Variants in YWHAE observed in about 807,000 individuals in gnomAD.
YWHAE encodes the protein tyrosine 3-monooxygenase/tryptophan 5-monooxygenase activation protein epsilon.
YWHAE carries 4 observed loss-of-function variants against 30.1 expected under a neutral mutation model. The observed-to-expected ratio is 0.13, with a 90% CI of 0.07 to 0.30. YWHAE has a LOEUF of 0.30. Among genes scored for constraint, YWHAE ranks in the 10% least tolerant of loss-of-function variants. The pLI is 1.00. For synonymous variants in YWHAE, 118 were observed against 111.8 expected (o/e 1.06, Z -0.35); for missense variants, 121 against 315.9 (o/e 0.38, Z 4.68).
At chr17:1,392,086 G>A (rs1183506428) in intron 1 of YWHAE, among the ~76,000 whole-genome samples, 2 of 152,068 alleles carry the variant, frequency 1.3e-5, no homozygotes, top group Non-Finnish European at 2.9e-5. Flanking sequence ...TGTAGCCCCA[G>A]CTACTTGGCA....
chr17:1,387,490 C>G (rs770912069), intron 1 of YWHAE, among the ~76,000 whole-genome samples: 1 of 152,118 alleles, frequency 6.6e-6, no homozygotes, highest in African/African-American at 2.4e-5. Context: ...TTTTGGAATA[C>G]TAAGGAAGAA....
At chr17:1,400,024 C>T (rs1359989445) in intron 1 of YWHAE, 23 bp downstream of exon 1, 6 of 1,604,498 alleles carry the variant, frequency 3.7e-6, no homozygotes, top group Non-Finnish European at 3.4e-6. Context: ...GAATTCCAGC[C>T]CCCCGTTGCC....
chr17:1,351,651 A>T (rs1157665766), intron 5 of YWHAE, among the ~76,000 whole-genome samples: 1 of 152,150 alleles, frequency 6.6e-6, no homozygotes, highest in African/African-American at 2.4e-5. Context: ...TTCCCTGAAG[A>T]GATGGCATCT....
intron 1 of YWHAE, among the ~76,000 whole-genome samples, chr17:1,368,348 T>C (rs1598247559): frequency 6.7e-6 from 1 of 148,770 alleles, no homozygotes; most frequent in East Asian, 2.0e-4. Flanking sequence ...TGTACTCCAG[T>C]CTGGGCAACA....
rs187647554 is a variant in YWHAE at position 1,344,871 on chromosome 17, A to G, written c.*576T>C. On this transcript the variant is annotated 3_prime_UTR_variant, in exon 6 of 6. Transcript: ENST00000264335. ...AGCCACGGATTGTTGAACTGTTACC[A>G]GCACCATGCTTTTCAGCAACATTTC... The G allele has an allele frequency of 4.3e-6, 1 of 233,566 alleles. No individual in the cohort carries two copies. Among genetic ancestry groups the G allele is most frequent in the African/African-American group, 2.2e-5 (1 of 45,436 alleles). 14.5% of individuals were successfully genotyped at this position (233,566 alleles called of 1,614,324 possible).
rs62089573 is a variant in YWHAE, at chr17:1,391,968, A to C, written c.64+8079T>G. 2.6e-5 allele frequency among the ~76,000 whole-genome samples: 4 copies of C among 152,082 alleles called. No individual in the cohort carries two copies. The South Asian group carries it at 8.3e-4, about 32-fold the overall frequency. The stretch of plus-strand genomic sequence containing the variant: ...ATGGTGGCTCACGCCTGTAATCGCA[A>C]AACTTTGGGAGGCCGAGGCAGGTGA... On this transcript the variant is annotated intron_variant, in intron 1 of 5. Coordinates refer to ENST00000264335, the MANE Select transcript of YWHAE (RefSeq NM_006761.5).
intron 4 of YWHAE, among the ~76,000 whole-genome samples, chr17:1,355,114 TTTAAAAAAAAAAAAAAAAAA>T (rs1567957989): frequency 2.2e-3 from 4 of 1,794 alleles, no homozygotes; most frequent in African/African-American, 3.6e-3. Flanking sequence ...CCCAAGATTT[TTTAAAAAAAAAAAAAAAAAA>T]AAAAAAAAAA....
intron 1 of YWHAE, among the ~76,000 whole-genome samples, chr17:1,394,436 CAAAAAAAAAAAAA>C (rs544115909): frequency 3.4e-5 from 2 of 58,562 alleles, no homozygotes; most frequent in African/African-American, 8.8e-5. Context: ...CTCAAATCCA[CAAAAAAAAAAAAA>C]AAAAAAAAAA....
chr17:1,366,188 C>T (rs2072938900), intron 1 of YWHAE, among the ~76,000 whole-genome samples: 1 of 149,260 alleles, frequency 6.7e-6, no homozygotes. Flanking sequence ...TGCACTCCAG[C>T]CCAGCAACAG....
intron 4 of YWHAE, among the ~76,000 whole-genome samples, chr17:1,356,564 G>A (rs1230683907): frequency 2.0e-5 from 3 of 152,198 alleles, no homozygotes; most frequent in Non-Finnish European, 4.4e-5. Context: ...CAGCTAGACT[G>A]GAGTCTGACA....
chr17:1,370,127 T>C lies in YWHAE; in HGVS notation c.65-5069A>G, dbSNP rs1346499868. On this transcript the variant is annotated intron_variant, in intron 1 of 5. Transcript: ENST00000264335. Reference sequence around the variant, plus strand: ...ATTTACCCACAGAAAAACTTTTTTTTTTTTTTTTTTTTTTTTTTGAGACGG... The same window carrying C: ...ATTTACCCACAGAAAAACTTTTTTTCTTTTTTTTTTTTTTTTTTGAGACGG... 2.2e-5 allele frequency among the ~76,000 whole-genome samples: 3 copies of C among 138,670 alleles called. No individual in the cohort carries two copies. In the East Asian group the frequency reaches 6.4e-4, roughly 30 times the overall value. The allele number at this position is 138,670 out of a possible 152,430, so 91.0% of individuals were successfully genotyped here. A position where few individuals can be genotyped will look rare whatever the true frequency, so the allele number is the denominator to read the frequency against.
intron 1 of YWHAE, 101 bp downstream of exon 1, chr17:1,399,946 G>A (rs544030011): frequency 6.2e-6 from 9 of 1,458,248 alleles, no homozygotes; most frequent in Middle Eastern, 1.7e-4. Flanking sequence ...CCCCGGGCCA[G>A]GCTCGCAGAC....
chr17:1,376,836 T>C (rs1049678262), intron 1 of YWHAE, among the ~76,000 whole-genome samples: 20 of 152,060 alleles, frequency 1.3e-4, no homozygotes, highest in African/African-American at 4.6e-4. Context: ...AGCAAACTGT[T>C]CAGAATCTGC....
At chr17:1,389,662 C>T (rs1019488587) in intron 1 of YWHAE, among the ~76,000 whole-genome samples, 1 of 151,222 alleles carries the variant, frequency 6.6e-6, no homozygotes, top group Non-Finnish European at 1.5e-5. Context: ...TCCTGAGCAG[C>T]TGGGACTACA....
chr17:1,355,289 C>T (rs1555639345), intron 4 of YWHAE, among the ~76,000 whole-genome samples: 2 of 144,952 alleles, frequency 1.4e-5, no homozygotes, highest in South Asian at 2.3e-4. Flanking sequence ...CCCGAGTAGC[C>T]GGGACTACAG....
At chr17:1,353,364 G>A (rs1385761478) in intron 5 of YWHAE, among the ~76,000 whole-genome samples, 1 of 150,332 alleles carries the variant, frequency 6.7e-6, no homozygotes, top group African/African-American at 2.5e-5. Context: ...TGTAAACCCA[G>A]GAGACGGAGC....
At chr17:1,388,286 T>A (rs2073338171) in intron 1 of YWHAE, among the ~76,000 whole-genome samples, 2 of 149,966 alleles carry the variant, frequency 1.3e-5, no homozygotes, top group Admixed American at 6.6e-5. Context: ...GGAGGCTGAG[T>A]TGGGCGGATC....
chr17:1,361,028 A>C (rs1028714108), intron 4 of YWHAE, 64 bp downstream of exon 4: 3 of 1,490,938 alleles, frequency 2.0e-6, no homozygotes, highest in Non-Finnish European at 2.8e-6. Context: ...AACAACACGG[A>C]AAACCCAAAC....
chr17:1,376,858 C>T (rs1381649964), intron 1 of YWHAE, among the ~76,000 whole-genome samples: 1 of 151,942 alleles, frequency 6.6e-6, no homozygotes, highest in African/African-American at 2.4e-5. Flanking sequence ...ATGGGAAAAA[C>T]GAGCAGGTTC....
Sources: allele counts gnomAD v4.1 joint callset (sites outside exome capture counted in the v4.1 genomes callset), GRCh38; gene constraint gnomAD v4.1.1; transcripts MANE v1.5; gene names NCBI Gene and HGNC (gene_info 2026-07-23, HGNC 2026-07-21).